Variants in FAM135A observed in about 807,000 individuals in gnomAD.
The protein encoded by FAM135A is family with sequence similarity 135 member A.
FAM135A carries 79 observed loss-of-function variants against 146.8 expected under a neutral mutation model. The ratio of observed to expected loss-of-function variants is 0.54; its 90% CI spans 0.45 to 0.65. The LOEUF is 0.65. FAM135A is among the 30% of genes least tolerant of loss of function. The pLI, the probability that FAM135A is intolerant of heterozygous loss-of-function variation, is 0.00. For synonymous variants in FAM135A, 562 were observed against 603.6 expected (o/e 0.93, Z 1.01); for missense variants, 1,623 against 1,758.2 (o/e 0.92, Z 1.38).
chr6:70,421,000 G>C (rs1027104022), intron 2 of FAM135A, among the ~76,000 whole-genome samples: 2 of 151,864 alleles, frequency 1.3e-5, no homozygotes, highest in African/African-American at 2.4e-5. Context: ...TCCCACCTCA[G>C]CTTTCTGAGT....
chr6:70,482,217 T>TGATATAA, intron 10 of FAM135A, 63 bp downstream of exon 10: 2 of 1,515,678 alleles, frequency 1.3e-6, no homozygotes, highest in South Asian at 2.5e-5. Flanking sequence ...CTTATATTGC[T>TGATATAA]AGCTATCAGC....
chr6:70,473,549 G>T (rs1410739203), intron 5 of FAM135A, among the ~76,000 whole-genome samples: 2 of 152,080 alleles, frequency 1.3e-5, no homozygotes, highest in Non-Finnish European at 2.9e-5. Context: ...TCCCTGATAG[G>T]TAAGGAAACT....
intron 5 of FAM135A, among the ~76,000 whole-genome samples, chr6:70,468,221 CAG>C (rs1183678392): frequency 6.6e-6 from 1 of 152,134 alleles, no homozygotes; most frequent in African/African-American, 2.4e-5. Flanking sequence ...ATTTTATGAG[CAG>C]AGACACTGAA....
chr6:70,546,539 A>G (rs998710241), intron 20 of FAM135A, among the ~76,000 whole-genome samples: 7 of 152,186 alleles, frequency 4.6e-5, no homozygotes, highest in Admixed American at 3.9e-4. Context: ...AAAGCTGTTC[A>G]TTATTTTAAA....
intron 4 of FAM135A, among the ~76,000 whole-genome samples, chr6:70,435,793 C>T (rs1398425369): frequency 2.0e-5 from 3 of 152,140 alleles, no homozygotes; most frequent in Admixed American, 1.3e-4. Context: ...AGCTAAGAGT[C>T]AGAAATTCAG....
chr6:70,501,227 C>G (rs961777814), intron 11 of FAM135A, among the ~76,000 whole-genome samples: 1 of 152,064 alleles, frequency 6.6e-6, no homozygotes, highest in African/African-American at 2.4e-5. Context: ...AGCAGTCTGG[C>G]CACAGCTGCT....
intron 20 of FAM135A, among the ~76,000 whole-genome samples, chr6:70,542,276 A>ACACACACACACACACACACACCCC (rs1242891663): frequency 4.0e-4 from 59 of 149,128 alleles, no homozygotes; most frequent in African/African-American, 1.4e-3. Flanking sequence ...ACACACACAC[A>ACACACACACACACACACACACCCC]CCCTTTGCTG....
rs1335338156 is a variant in FAM135A, at chr6:70,435,089, A to G, written c.77+6670A>G. ...TGTGTGTGTGTGTGTGTGTATATATATATATATATATATATATATATTTTT... is the reference window on the plus strand; with the variant it reads ...TGTGTGTGTGTGTGTGTGTATATATGTATATATATATATATATATATTTTT... On this transcript the variant is annotated intron_variant, in intron 4 of 21. Coordinates refer to ENST00000418814, the MANE Select transcript of FAM135A (RefSeq NM_001162529.3). Among the ~76,000 whole-genome samples, 528 of 100,780 alleles carry G rather than the reference A, an allele frequency of 5.2e-3. 4 individuals carry two copies. Among genetic ancestry groups the G allele is most frequent in the Non-Finnish European group, 6.7e-3 (339 of 50,606 alleles). 66.1% of individuals were successfully genotyped at this position (100,780 alleles called of 152,430 possible).
chr6:70,496,553 G>A (rs2128233467), intron 11 of FAM135A, among the ~76,000 whole-genome samples: 1 of 152,264 alleles, frequency 6.6e-6, no homozygotes, highest in South Asian at 2.1e-4. Flanking sequence ...TGCTTTTGGT[G>A]TTTTAGTCAT....
chr6:70,446,475 G>A lies in FAM135A; in HGVS notation c.78-6017G>A, dbSNP rs6918722. ...GGGATCAATCAATAATGATTCCATA[G>A]GAATCATTGTGCAGCACCTCTGCCT... On this transcript the variant is annotated intron_variant, in intron 4 of 21. Coordinates refer to ENST00000418814, the MANE Select transcript of FAM135A (RefSeq NM_001162529.3). Among the ~76,000 whole-genome samples the A allele has an allele frequency of 7.4e-3, 1,121 of 152,260 alleles. 20 individuals carry two copies. Among genetic ancestry groups the A allele is most frequent in the African/African-American group, 0.026 (1,078 of 41,540 alleles).
chr6:70,510,721 A>G (rs1308074255), intron 12 of FAM135A, among the ~76,000 whole-genome samples: 1 of 152,094 alleles, frequency 6.6e-6, no homozygotes, highest in East Asian at 1.9e-4. Context: ...AGTTGCTGGT[A>G]TGAAAATTTG....
At chr6:70,472,143 A>G (rs1207275026) in intron 5 of FAM135A, among the ~76,000 whole-genome samples, 1 of 152,168 alleles carries the variant, frequency 6.6e-6, no homozygotes, top group Admixed American at 6.5e-5. Flanking sequence ...CTCCAGACCC[A>G]GTGGTAGAAG....
chr6:70,447,064 C>T (rs1270844570), intron 4 of FAM135A, among the ~76,000 whole-genome samples: 2 of 152,190 alleles, frequency 1.3e-5, no homozygotes, highest in Admixed American at 6.5e-5. Flanking sequence ...TTACCAACTC[C>T]AACTATGTTA....
intron 4 of FAM135A, among the ~76,000 whole-genome samples, chr6:70,447,471 C>T (rs113296403): frequency 0.025 from 3,866 of 152,262 alleles, 165 homozygotes; most frequent in African/African-American, 0.088. Context: ...TCCTGTCGTC[C>T]CCGCTGGCAA....
intron 5 of FAM135A, among the ~76,000 whole-genome samples, chr6:70,467,336 T>G (rs1001920567): frequency 6.6e-6 from 1 of 152,162 alleles, no homozygotes; most frequent in East Asian, 1.9e-4. Context: ...ATGACTGATT[T>G]TTAATCTTCT....
intron 12 of FAM135A, among the ~76,000 whole-genome samples, chr6:70,518,978 A>G (rs886776253): frequency 6.6e-5 from 10 of 152,192 alleles, no homozygotes; most frequent in Non-Finnish European, 1.5e-4. Flanking sequence ...ACTTAAATAC[A>G]TTTTGTAAGG....
intron 5 of FAM135A, among the ~76,000 whole-genome samples, chr6:70,466,360 G>A (rs148269320): frequency 1.3e-5 from 2 of 151,996 alleles, no homozygotes; most frequent in Non-Finnish European, 2.9e-5. Flanking sequence ...AGTGCATTTT[G>A]TCAGTATAAC....
chr6:70,516,680 A>G (rs145638317), intron 12 of FAM135A, among the ~76,000 whole-genome samples: 2,853 of 151,298 alleles, frequency 0.019, 95 homozygotes, highest in African/African-American at 0.065. Context: ...GACTACAGGC[A>G]CTCGCCACCA....
chr6:70,541,189 T>A (rs1797852822), intron 20 of FAM135A, among the ~76,000 whole-genome samples: 1 of 152,218 alleles, frequency 6.6e-6, no homozygotes. Context: ...TCCCATTTCT[T>A]CCATCTTAAT....
Sources: allele counts gnomAD v4.1 joint callset (sites outside exome capture counted in the v4.1 genomes callset), GRCh38; gene constraint gnomAD v4.1.1; transcripts MANE v1.5; gene names NCBI Gene and HGNC (gene_info 2026-07-23, HGNC 2026-07-21).